Variants in ATP6V1A observed in about 807,000 individuals in gnomAD.
ATP6V1A encodes the protein V-type proton ATPase catalytic subunit A.
Under a neutral mutation model 70.1 loss-of-function variants are expected in ATP6V1A, and 18 were observed. The ratio of observed to expected loss-of-function variants is 0.26; its 90% CI spans 0.18 to 0.38. The LOEUF (loss-of-function observed/expected upper bound fraction) is 0.38. ATP6V1A is among the 10% of genes least tolerant of loss of function. The probability of loss-of-function intolerance (pLI) is 1.00; values close to 1 mark genes in which losing one functional copy is unlikely to be tolerated. For synonymous variants in ATP6V1A, 232 were observed against 253.8 expected, an observed-to-expected ratio of 0.91 and a Z score of 0.82; for missense variants, 424 against 772.4, an observed-to-expected ratio of 0.55 and a Z score of 5.35.
rs963898842 is a variant in ATP6V1A at position 113,789,592 on chromosome 3, G to C, written c.880-140G>C. 9 of 576,046 alleles carry C rather than the reference G, an allele frequency of 1.6e-5. No individual in the cohort carries two copies. In the East Asian group the frequency reaches 2.0e-4, roughly 13 times the overall value. The allele number at this position is 576,046 out of a possible 1,614,324, so 35.7% of individuals were successfully genotyped here. ...TGGAGCAGAGAAGAGAGGTTGGAGT[G>C]GTGGGGAATATTACTTTAGGAACAC... On this transcript the variant is annotated intron_variant, in intron 7 of 14. Transcript: ENST00000273398.
intron 6 of ATP6V1A, among the ~76,000 whole-genome samples, chr3:113,787,782 T>G (rs1442073080): frequency 6.6e-6 from 1 of 152,224 alleles, no homozygotes; most frequent in South Asian, 2.1e-4. Context: ...GATATCATTA[T>G]TTTTGCACTG....
intron 12 of ATP6V1A, among the ~76,000 whole-genome samples, chr3:113,799,638 A>G (rs1709187647): frequency 6.6e-6 from 1 of 152,216 alleles, no homozygotes; most frequent in Non-Finnish European, 1.5e-5. Flanking sequence ...GTTTGTAGAT[A>G]ATATGCTCAT....
chr3:113,755,999 G>T (rs1335788139), intron 1 of ATP6V1A, among the ~76,000 whole-genome samples: 3 of 152,094 alleles, frequency 2.0e-5, no homozygotes, highest in Admixed American at 2.0e-4. Flanking sequence ...AACATTTATT[G>T]AGAGCTTACT....
chr3:113,806,251 A>G (rs1709274920), intron 14 of ATP6V1A, among the ~76,000 whole-genome samples: 1 of 152,138 alleles, frequency 6.6e-6, no homozygotes, highest in Admixed American at 6.6e-5. Context: ...CCCAGTCTCA[A>G]AAAACAAAAA....
At chr3:113,781,571 GCAA>G (rs531317324) in intron 3 of ATP6V1A, among the ~76,000 whole-genome samples, 123 of 152,254 alleles carry the variant, frequency 8.1e-4, no homozygotes, top group African/African-American at 2.8e-3. Flanking sequence ...CAGCAAAGCA[GCAA>G]CAACTAATGA....
At chr3:113,798,099 C>A in intron 11 of ATP6V1A, 144 bp from the exon 12 acceptor site, 1 of 798,308 alleles carries the variant, frequency 1.3e-6, no homozygotes, top group Non-Finnish European at 2.0e-6. Context: ...TGCCACTGCA[C>A]TCCAGCCTGG....
At chr3:113,790,450 A>G (rs550936358) in intron 8 of ATP6V1A, among the ~76,000 whole-genome samples, 1 of 152,148 alleles carries the variant, frequency 6.6e-6, no homozygotes, top group South Asian at 2.1e-4. Flanking sequence ...TCATTGATCT[A>G]GTTTTAAATA....
intron 14 of ATP6V1A, 141 bp from the exon 15 acceptor site, chr3:113,809,194 G>A (rs1181113676): frequency 9.8e-6 from 5 of 509,656 alleles, no homozygotes; most frequent in Non-Finnish European, 1.4e-5. Flanking sequence ...GGTGGAGGTT[G>A]CAGTGAGCCA....
At chr3:113,770,587 A>G (rs993006815) in intron 1 of ATP6V1A, among the ~76,000 whole-genome samples, 1 of 151,898 alleles carries the variant, frequency 6.6e-6, no homozygotes. Context: ...GCTGAGACAC[A>G]AGAATCGCTT....
At chr3:113,778,966 T>A in intron 2 of ATP6V1A, 131 bp downstream of exon 2, 1 of 564,710 alleles carries the variant, frequency 1.8e-6, no homozygotes, top group Non-Finnish European at 3.0e-6. Flanking sequence ...GGCGATCTCA[T>A]AGTGACTATA....
Position 113,798,290 on chromosome 3 carries a change from C to G in ATP6V1A, c.1338C>G (p.Pro446=), listed in dbSNP as rs746018497. The change falls in exon 12 of 15, where the codon CCC becomes CCG. Residue 446 remains proline (P), a synonymous_variant. Coordinates refer to ENST00000273398, the MANE Select transcript of ATP6V1A (RefSeq NM_001690.4). ...DKKLAQRKHF[P]SVNWLISYSK... ...AACTAGCTCAACGTAAGCATTTCCC[C>G]TCTGTCAATTGGCTCATCAGCTACA... is the stretch of plus-strand genomic sequence containing the variant. The G allele has an allele frequency of 6.2e-7, 1 of 1,613,888 alleles. No homozygotes were observed. Among genetic ancestry groups the G allele is most frequent in the South Asian group, 1.1e-5 (1 of 91,088 alleles).
At chr3:113,806,465 C>CT (rs113678275) in intron 14 of ATP6V1A, among the ~76,000 whole-genome samples, 165 of 145,672 alleles carry the variant, frequency 1.1e-3, no homozygotes, top group Middle Eastern at 3.6e-3. Context: ...CATTTTTTAA[C>CT]TTTTTTTTTT....
intron 1 of ATP6V1A, among the ~76,000 whole-genome samples, chr3:113,754,542 GA>G (rs908193715): frequency 3.4e-4 from 48 of 140,758 alleles, no homozygotes; most frequent in East Asian, 1.0e-3. Flanking sequence ...TCAAAAGTAA[GA>G]AAAAAAAAAA....
rs980085425 is a variant in ATP6V1A at position 113,784,915 on chromosome 3, A to C, written c.564+82A>C. 162 of 1,394,348 alleles carry C rather than the reference A, an allele frequency of 1.2e-4. 1 individual carries two copies. The highest frequency in any genetic ancestry group is 3.7e-4 in the Middle Eastern group (2 of 5,396). The allele number at this position is 1,394,348 out of a possible 1,614,324, so 86.4% of individuals were successfully genotyped here. ...CCCAGTTTTAGTGCCCTAAGTAATT[A>C]AAGAATTGATATTTAATACATAAGT... On this transcript the variant is annotated intron_variant, in intron 5 of 14. Transcript: ENST00000273398.
chr3:113,761,780 A>G (rs1003910239), intron 1 of ATP6V1A, among the ~76,000 whole-genome samples: 2 of 143,258 alleles, frequency 1.4e-5, no homozygotes, highest in African/African-American at 5.2e-5. Context: ...TTGCCTTTTT[A>G]AAGTAGTCAT....
chr3:113,758,808 AGTT>A (rs1310319801), intron 1 of ATP6V1A, among the ~76,000 whole-genome samples: 6 of 152,194 alleles, frequency 3.9e-5, no homozygotes, highest in South Asian at 2.1e-4. Flanking sequence ...TGAGTGTGTT[AGTT>A]GTTCTACATC....
At chr3:113,804,283 C>T (rs906388716) in intron 13 of ATP6V1A, among the ~76,000 whole-genome samples, 2 of 151,956 alleles carry the variant, frequency 1.3e-5, no homozygotes, top group South Asian at 2.1e-4. Flanking sequence ...TGAGCCAACA[C>T]GCCTGTCTTC....
intron 1 of ATP6V1A, among the ~76,000 whole-genome samples, chr3:113,768,592 CTTT>C (rs34915547): frequency 1.1e-4 from 11 of 103,404 alleles, no homozygotes; most frequent in Admixed American, 1.2e-4. Flanking sequence ...TAGCCTGTAT[CTTT>C]TTTTTTTTTT....
At chr3:113,785,123 A>G (rs1267417496) in intron 5 of ATP6V1A, among the ~76,000 whole-genome samples, 1 of 152,202 alleles carries the variant, frequency 6.6e-6, no homozygotes, top group Non-Finnish European at 1.5e-5. Flanking sequence ...TTTGATTTTA[A>G]TGGTGTATCA....
Sources: allele counts gnomAD v4.1 joint callset (sites outside exome capture counted in the v4.1 genomes callset), GRCh38; gene constraint gnomAD v4.1.1; transcripts MANE v1.5; gene names NCBI Gene and HGNC (gene_info 2026-07-23, HGNC 2026-07-21).